TIPIN: variants seen among roughly 807,000 people sequenced by gnomAD.
TIPIN encodes the protein TIMELESS-interacting protein.
Under a neutral mutation model 35.6 loss-of-function variants are expected in TIPIN, and 29 were observed. The observed-to-expected ratio is 0.82, with a 90% CI of 0.61 to 1.11. TIPIN has a LOEUF of 1.11. TIPIN is among the 50% of genes most tolerant of loss of function. The probability of loss-of-function intolerance (pLI) is 0.00; values close to 1 mark genes in which losing one functional copy is unlikely to be tolerated. For missense variants in TIPIN, 296 were observed against 345.4 expected (o/e 0.86, Z 1.13); for synonymous variants, 102 against 121.5 (o/e 0.84, Z 1.06).
At chr15:66,371,759 C>T (rs922838381) in intron 1 of TIPIN, among the ~76,000 whole-genome samples, 3 of 151,976 alleles carry the variant, frequency 2.0e-5, no homozygotes, top group East Asian at 1.9e-4. Flanking sequence ...CTTCGTGATC[C>T]GCCCGCCTCA....
At chr15:66,352,556 C>T (rs1276813060) in intron 2 of TIPIN, among the ~76,000 whole-genome samples, 1 of 152,126 alleles carries the variant, frequency 6.6e-6, no homozygotes, top group Admixed American at 6.6e-5. Context: ...TCCCAAAGTG[C>T]TGGGATTACA....
intron 1 of TIPIN, among the ~76,000 whole-genome samples, chr15:66,354,016 A>G (rs1374099614): frequency 1.3e-5 from 2 of 152,122 alleles, no homozygotes; most frequent in African/African-American, 4.8e-5. Flanking sequence ...CCAGCTACTC[A>G]GGAGGCTGAG....
At position 66,349,050 on chromosome 15, in the gene TIPIN, A is replaced by G. The variant is rs1485989885; in HGVS notation, c.475+10T>C. ...AAATTGTTATAAAGTAGATAAACCT[A>G]TATTCTTACCATTATTGCTAACAAA... On this transcript the variant is annotated intron_variant, in intron 6 of 7. Coordinates refer to ENST00000261881, the MANE Select transcript of TIPIN (RefSeq NM_017858.3). 1.9e-6 allele frequency: 3 copies of G among 1,602,898 alleles called. No individual in the cohort carries two copies. The East Asian group carries it at 6.7e-5, about 36-fold the overall frequency.
intron 1 of TIPIN, among the ~76,000 whole-genome samples, chr15:66,378,938 C>T (rs1346912794): frequency 6.6e-6 from 1 of 152,068 alleles, no homozygotes; most frequent in Non-Finnish European, 1.5e-5. Context: ...AAAATATTTT[C>T]TTAAGAAATG....
upstream of TIPIN, among the ~76,000 whole-genome samples, chr15:66,357,567 C>G (rs2093211599): frequency 1.8e-5 from 2 of 112,832 alleles, no homozygotes; most frequent in South Asian, 6.3e-4. Flanking sequence ...GCTGGAGATC[C>G]AGTCTGGGTG....
intron 1 of TIPIN, among the ~76,000 whole-genome samples, chr15:66,375,145 G>A (rs77246337): frequency 0.026 from 3,972 of 152,094 alleles, 59 homozygotes; most frequent in Non-Finnish European, 0.037. Flanking sequence ...CAGGTGCAGT[G>A]GTGCATGTCC....
intron 6 of TIPIN, among the ~76,000 whole-genome samples, chr15:66,348,779 C>G (rs2093146324): frequency 6.6e-6 from 1 of 151,644 alleles, no homozygotes; most frequent in Non-Finnish European, 1.5e-5. Context: ...ATCCCCATCT[C>G]TACAAAAATT....
chr15:66,371,814 G>T (rs979126956), intron 1 of TIPIN, among the ~76,000 whole-genome samples: 3 of 150,950 alleles, frequency 2.0e-5, no homozygotes, highest in African/African-American at 7.3e-5. Flanking sequence ...ACCGTGCCTG[G>T]CCTGGTAATT....
At chr15:66,353,052 T>G in intron 1 of TIPIN, 97 bp from the exon 2 acceptor site, 2 of 1,197,040 alleles carry the variant, frequency 1.7e-6, no homozygotes, top group Non-Finnish European at 2.3e-6. Context: ...TTCAATCAGT[T>G]AGACCACATT....
At chr15:66,366,353 C>G (rs1432730504) in intron 1 of TIPIN, among the ~76,000 whole-genome samples, 1 of 151,880 alleles carries the variant, frequency 6.6e-6, no homozygotes, top group Non-Finnish European at 1.5e-5. Flanking sequence ...ACTCGGGAGG[C>G]TGAGACAAGA....
At chr15:66,351,426 A>G in intron 4 of TIPIN, 99 bp downstream of exon 4, 1 of 837,966 alleles carries the variant, frequency 1.2e-6, no homozygotes, top group Admixed American at 2.2e-5. Flanking sequence ...GACTAAGGAT[A>G]GTATCTTAAA....
intron 1 of TIPIN, among the ~76,000 whole-genome samples, chr15:66,367,314 CATCT>C (rs2093260187): frequency 6.6e-6 from 1 of 151,202 alleles, no homozygotes; most frequent in Non-Finnish European, 1.5e-5. Context: ...TAAATTAGTA[CATCT>C]ATGTGGACAG....
At chr15:66,341,028 C>T in intron 7 of TIPIN, 122 bp downstream of exon 7, 1 of 820,852 alleles carries the variant, frequency 1.2e-6, no homozygotes, top group Non-Finnish European at 1.9e-6. Context: ...TATACATAAA[C>T]TTAATATCAC....
At chr15:66,337,383 T>C (rs2093052351) in intron 7 of TIPIN, among the ~76,000 whole-genome samples, 1 of 150,364 alleles carries the variant, frequency 6.7e-6, no homozygotes, top group Non-Finnish European at 1.5e-5. Context: ...TGGAGTGCAA[T>C]CGCACGATCT....
chr15:66,349,949 T>C (rs2093155833), intron 4 of TIPIN, among the ~76,000 whole-genome samples: 1 of 97,538 alleles, frequency 1.0e-5, no homozygotes, highest in Non-Finnish European at 2.1e-5. Flanking sequence ...ACAGGGGTTT[T>C]TTTTGTTTTT....
intron 1 of TIPIN, among the ~76,000 whole-genome samples, chr15:66,363,291 T>C (rs1054617355): frequency 6.6e-6 from 1 of 150,618 alleles, no homozygotes; most frequent in African/African-American, 2.4e-5. Flanking sequence ...GCGGATTGCC[T>C]GAGGTCAGGA....
intron 6 of TIPIN, among the ~76,000 whole-genome samples, chr15:66,344,705 A>G (rs2093111886): frequency 6.6e-6 from 1 of 151,434 alleles, no homozygotes; most frequent in African/African-American, 2.4e-5. Flanking sequence ...AAAAGAAAAA[A>G]AAAAAAAAGA....
chr15:66,357,962 A>C (rs1383935345), upstream of TIPIN, among the ~76,000 whole-genome samples: 1 of 152,146 alleles, frequency 6.6e-6, no homozygotes, highest in Non-Finnish European at 1.5e-5. Flanking sequence ...TCTCAAAAAA[A>C]AAAAAAGTTA....
chr15:66,339,025 A>C (rs2140437680), intron 7 of TIPIN, among the ~76,000 whole-genome samples: 1 of 141,486 alleles, frequency 7.1e-6, no homozygotes, highest in African/African-American at 2.6e-5. Flanking sequence ...TAGCTACTTG[A>C]GGAGGCTGAA....
Sources: gnomAD v4.1 joint callset for allele counts (sites outside exome capture counted in the v4.1 genomes callset) on GRCh38, gnomAD v4.1.1 for gene constraint, MANE v1.5 for transcripts, NCBI Gene and HGNC (gene_info 2026-07-23, HGNC 2026-07-21) for gene names.